Variants in KCND2 observed in about 807,000 individuals in gnomAD.
The protein encoded by KCND2 is potassium voltage-gated channel subfamily D member 2, also known as A-type voltage-gated potassium channel KCND2.
Under a neutral mutation model 54.4 loss-of-function variants are expected in KCND2, and 16 were observed. That is an observed-to-expected ratio of 0.29 (90% CI 0.20 to 0.45). The LOEUF is 0.45. Among genes scored for constraint, KCND2 ranks in the 20% least tolerant of loss-of-function variants. KCND2 has a pLI of 1.00. For synonymous variants in KCND2, 317 were observed against 310.7 expected (o/e 1.02, Z -0.21); for missense variants, 486 against 824.2 (o/e 0.59, Z 5.02).
chr7:120,724,873 A>G (rs1475503459), intron 1 of KCND2, among the ~76,000 whole-genome samples: 1 of 152,200 alleles, frequency 6.6e-6, no homozygotes, highest in Non-Finnish European at 1.5e-5. Context: ...AAATGAGGGA[A>G]TAAAGTGTTA....
At chr7:120,517,534 A>C (rs573899523) in intron 1 of KCND2, among the ~76,000 whole-genome samples, 34 of 152,158 alleles carry the variant, frequency 2.2e-4, no homozygotes, top group Non-Finnish European at 4.1e-4. Context: ...TTTTTCACTT[A>C]CAAGCCATGT....
At chr7:120,682,678 A>G (rs973806416) in intron 1 of KCND2, among the ~76,000 whole-genome samples, 3 of 152,104 alleles carry the variant, frequency 2.0e-5, no homozygotes, top group African/African-American at 7.2e-5. Flanking sequence ...CAATGACAAG[A>G]TTATCTGAAT....
intron 1 of KCND2, among the ~76,000 whole-genome samples, chr7:120,586,378 T>C (rs572089901): frequency 1.3e-5 from 2 of 152,250 alleles, no homozygotes; most frequent in South Asian, 4.1e-4. Flanking sequence ...CTTGTTTTTG[T>C]CAAATGACAA....
chr7:120,287,751 G>C (rs1019138602), intron 1 of KCND2, among the ~76,000 whole-genome samples: 7 of 152,042 alleles, frequency 4.6e-5, no homozygotes, highest in African/African-American at 1.4e-4. Context: ...GGCTGAAGTA[G>C]GAGAATCACT....
chr7:120,555,005 A>C (rs1447650185), intron 1 of KCND2, among the ~76,000 whole-genome samples: 1 of 152,154 alleles, frequency 6.6e-6, no homozygotes, highest in Non-Finnish European at 1.5e-5. Context: ...ATTTAGCTCT[A>C]TGGTACTCTG....
intron 1 of KCND2, among the ~76,000 whole-genome samples, chr7:120,331,147 A>G (rs1390670690): frequency 6.6e-6 from 1 of 152,126 alleles, no homozygotes; most frequent in Non-Finnish European, 1.5e-5. Flanking sequence ...ATTTGAGAAT[A>G]TGTTTTTCCA....
intron 1 of KCND2, among the ~76,000 whole-genome samples, chr7:120,591,264 T>C (rs1469944656): frequency 6.6e-6 from 1 of 152,190 alleles, no homozygotes; most frequent in Non-Finnish European, 1.5e-5. Flanking sequence ...AACATATTGG[T>C]ACATTCATAG....
chr7:120,743,492 C>T (rs1792966721), intron 4 of KCND2, among the ~76,000 whole-genome samples: 1 of 152,154 alleles, frequency 6.6e-6, no homozygotes, highest in Non-Finnish European at 1.5e-5. Flanking sequence ...AACAAAATCC[C>T]AGACAGGGCT....
At chr7:120,546,130 G>T (rs781667262) in intron 1 of KCND2, among the ~76,000 whole-genome samples, 3 of 151,844 alleles carry the variant, frequency 2.0e-5, no homozygotes, top group Non-Finnish European at 4.4e-5. Context: ...AATATCAAAT[G>T]GTTATCACCT....
intron 1 of KCND2, among the ~76,000 whole-genome samples, chr7:120,336,278 A>T (rs1017036708): frequency 4.6e-5 from 7 of 152,144 alleles, no homozygotes; most frequent in Non-Finnish European, 7.3e-5. Flanking sequence ...TCGCAGTCCC[A>T]ATCTCTTAAA....
chr7:120,453,382 G>T (rs1209836496), intron 1 of KCND2, among the ~76,000 whole-genome samples: 5 of 152,120 alleles, frequency 3.3e-5, no homozygotes. Flanking sequence ...CCACCACAGT[G>T]AACCAGCTCA....
At chr7:120,319,130 C>A (rs118063449) in intron 1 of KCND2, among the ~76,000 whole-genome samples, 1 of 152,058 alleles carries the variant, frequency 6.6e-6, no homozygotes, top group Non-Finnish European at 1.5e-5. Flanking sequence ...TTCTAAGCTG[C>A]GTTTCCTTCC....
intron 1 of KCND2, among the ~76,000 whole-genome samples, chr7:120,459,221 G>T (rs2116234496): frequency 6.6e-6 from 1 of 152,100 alleles, no homozygotes; most frequent in African/African-American, 2.4e-5. Context: ...AGCCACAGTT[G>T]CTCCCTTGCC....
intron 1 of KCND2, among the ~76,000 whole-genome samples, chr7:120,457,667 T>C (rs1802219473): frequency 6.6e-6 from 1 of 152,214 alleles, no homozygotes; most frequent in Non-Finnish European, 1.5e-5. Flanking sequence ...CATCTTCCTG[T>C]CTTCTGCGCC....
At chr7:120,317,412 A>G (rs2116324788) in intron 1 of KCND2, among the ~76,000 whole-genome samples, 1 of 152,242 alleles carries the variant, frequency 6.6e-6, no homozygotes, top group East Asian at 1.9e-4. Flanking sequence ...AACTCATGTC[A>G]ATTGTGTCTT....
At chr7:120,722,794 T>C (rs1436216335) in intron 1 of KCND2, among the ~76,000 whole-genome samples, 9 of 152,160 alleles carry the variant, frequency 5.9e-5, no homozygotes, top group African/African-American at 2.2e-4. Flanking sequence ...CTAACTGACA[T>C]TCTCCCCTAA....
At chr7:120,434,895 A>G (rs1050848998) in intron 1 of KCND2, among the ~76,000 whole-genome samples, 1 of 151,954 alleles carries the variant, frequency 6.6e-6, no homozygotes, top group African/African-American at 2.4e-5. Flanking sequence ...GTCTGTGATC[A>G]TTGTCCATTA....
intron 1 of KCND2, among the ~76,000 whole-genome samples, chr7:120,375,601 A>T (rs1800825651): frequency 6.6e-6 from 1 of 151,834 alleles, no homozygotes; most frequent in African/African-American, 2.4e-5. Context: ...ATTTTTATAT[A>T]GATAAAAAGA....
chr7:120,627,406 AATTT>A (rs1584859944), intron 1 of KCND2, among the ~76,000 whole-genome samples: 1 of 152,222 alleles, frequency 6.6e-6, no homozygotes, highest in South Asian at 2.1e-4. Context: ...TATGTGATTT[AATTT>A]ATTATCATCC....
Sources: allele counts gnomAD v4.1 joint callset (sites outside exome capture counted in the v4.1 genomes callset), GRCh38; gene constraint gnomAD v4.1.1; transcripts MANE v1.5; gene names NCBI Gene and HGNC (gene_info 2026-07-23, HGNC 2026-07-21).